Variants in CDH3 observed in about 807,000 individuals in gnomAD.
The protein encoded by CDH3 is cadherin 3.
In CDH3, 54 loss-of-function variants were observed where a neutral mutation model predicts 82.0. The observed-to-expected ratio is 0.66, with a 90% confidence interval of 0.53 to 0.83. The LOEUF (loss-of-function observed/expected upper bound fraction) is 0.83, where lower values mean the gene tolerates loss of function less well. Ranked by LOEUF, CDH3 falls within the 40% of genes least tolerant of loss-of-function variation. The probability of loss-of-function intolerance (pLI) is 0.00; values close to 1 mark genes in which losing one functional copy is unlikely to be tolerated. For missense variants in CDH3, 1,054 were observed against 1,084.6 expected, an observed-to-expected ratio of 0.97 and a Z score of 0.40; for synonymous variants, 446 against 437.9, an observed-to-expected ratio of 1.02 and a Z score of -0.23.
At chr16:68,697,425 G>T (rs1257269971) in intron 15 of CDH3, among the ~76,000 whole-genome samples, 1 of 152,156 alleles carries the variant, frequency 6.6e-6, no homozygotes, top group Non-Finnish European at 1.5e-5. Context: ...TAGATCCCAG[G>T]TGATTGCACC....
At chr16:68,703,922 AG>A (rs1256390200), downstream of CDH3, among the ~76,000 whole-genome samples, 1 of 144,754 alleles carries the variant, frequency 6.9e-6, no homozygotes, top group Non-Finnish European at 1.5e-5. Flanking sequence ...ACTCCAGCCT[AG>A]GCAACAGAGC....
chr16:68,664,876 C>T (rs1015451653), intron 2 of CDH3, among the ~76,000 whole-genome samples: 2 of 152,042 alleles, frequency 1.3e-5, no homozygotes, highest in African/African-American at 4.8e-5. Flanking sequence ...TCTCAAACTC[C>T]TGGACTTAAG....
chr16:68,692,333 G>A (rs1032744700), intron 13 of CDH3, among the ~76,000 whole-genome samples: 3 of 151,912 alleles, frequency 2.0e-5, no homozygotes, highest in African/African-American at 2.4e-5. Context: ...CACTGCGCCC[G>A]GTCCACTCCT....
At chr16:68,673,671 A>C in intron 2 of CDH3, among the ~76,000 whole-genome samples, 1 of 152,144 alleles carries the variant, frequency 6.6e-6, no homozygotes, top group Non-Finnish European at 1.5e-5. Context: ...CACTCCTGTA[A>C]TCCCAGCACT....
chr16:68,710,201 T>C (rs1393070492), intron 1 of CDH3, among the ~76,000 whole-genome samples: 1 of 152,194 alleles, frequency 6.6e-6, no homozygotes. Context: ...GCACCCTCTA[T>C]GGCCACAGCT....
At chr16:68,732,964 G>A in the CDH3 span, among the ~76,000 whole-genome samples, 1 of 150,802 alleles carries the variant, frequency 6.6e-6, no homozygotes, top group Non-Finnish European at 1.5e-5. Context: ...GGTGGGGGAA[G>A]GAGAGCCTGG....
chr16:68,674,169 A>G (rs998624150), intron 2 of CDH3, among the ~76,000 whole-genome samples: 13 of 151,980 alleles, frequency 8.6e-5, no homozygotes, highest in Admixed American at 1.3e-4. Context: ...GACAATTCCA[A>G]TTTCCCTCTA....
intron 3 of CDH3, 70 bp from the exon 4 acceptor site, chr16:68,678,064 A>G: frequency 7.0e-7 from 1 of 1,418,568 alleles, no homozygotes; most frequent in Non-Finnish European, 1.0e-6. Flanking sequence ...TTTAACTCTT[A>G]TAGGTGAGAG....
chr16:68,702,172 G>C (rs927372084), downstream of CDH3, among the ~76,000 whole-genome samples: 3 of 152,076 alleles, frequency 2.0e-5, no homozygotes, highest in Non-Finnish European at 4.4e-5. Flanking sequence ...GATTATAGGC[G>C]TGAGCCACTG....
intron 1 of CDH3, among the ~76,000 whole-genome samples, chr16:68,708,285 C>T (rs537806609): frequency 6.6e-6 from 1 of 151,934 alleles, no homozygotes. Context: ...CGAGATCCCA[C>T]CACTGCAGTC....
chr16:68,729,440 A>G (rs550554650), downstream of CDH3, among the ~76,000 whole-genome samples: 9 of 152,338 alleles, frequency 5.9e-5, no homozygotes, highest in Non-Finnish European at 8.8e-5. Flanking sequence ...GGATACATTC[A>G]CTATCATAGT....
rs756394679 is a variant in CDH3 at position 68,691,857 on chromosome 16, G to A, written c.1933G>A (p.Glu645Lys). 49 of 1,613,994 alleles carry A rather than the reference G, an allele frequency of 3.0e-5. No individual in the cohort carries two copies. The highest frequency in any genetic ancestry group is 1.6e-4 in the Middle Eastern group (1 of 6,074). The change falls in exon 13 of 16, where the codon GAA becomes AAA. Residue 645 changes from glutamate to lysine, a missense_variant. Physicochemically the swap from Glu to Lys is moderately conservative, Grantham distance 56. Transcript: ENST00000264012. ...ATVCDCHGHV[E>K]TCPGPWKGGF... Reference sequence around the variant, plus strand: ...TGTGTGCGACTGCCATGGCCATGTCGAAACCTGCCCTGGACCCTGGAAGGG... The same window carrying A: ...TGTGTGCGACTGCCATGGCCATGTCAAAACCTGCCCTGGACCCTGGAAGGG...
At chr16:68,694,792 G>A (rs200333211) in intron 13 of CDH3, among the ~76,000 whole-genome samples, 4 of 152,220 alleles carry the variant, frequency 2.6e-5, no homozygotes, top group South Asian at 2.1e-4. Flanking sequence ...TTCCCATCCC[G>A]ACATCCCGAC....
At chr16:68,718,718 A>G (rs958212441) in intron 1 of CDH3, among the ~76,000 whole-genome samples, 4 of 152,130 alleles carry the variant, frequency 2.6e-5, no homozygotes, top group African/African-American at 9.7e-5. Flanking sequence ...CAGTTTGGCA[A>G]TCTCTTAGAA....
chr16:68,671,239 C>T (rs2057026497), intron 2 of CDH3, among the ~76,000 whole-genome samples: 1 of 151,700 alleles, frequency 6.6e-6, no homozygotes, highest in Admixed American at 6.6e-5. Context: ...AATCTGCCCA[C>T]CTCAGCCTCC....
At chr16:68,691,638 G>A (rs958089972) in intron 12 of CDH3, 82 bp from the exon 13 acceptor site, 15 of 1,056,498 alleles carry the variant, frequency 1.4e-5, no homozygotes, top group Admixed American at 5.1e-5. Flanking sequence ...TGTGGAAGCC[G>A]TATTCTCAAA....
At chr16:68,656,765 C>T (rs1477749137) in intron 2 of CDH3, among the ~76,000 whole-genome samples, 2 of 152,216 alleles carry the variant, frequency 1.3e-5, no homozygotes, top group African/African-American at 4.8e-5. Flanking sequence ...AAATAGTTAA[C>T]TTCTGACCCA....
At chr16:68,696,795 T>C (rs1288368955) in intron 15 of CDH3, 1 of 152,302 alleles carries the variant, frequency 6.6e-6, no homozygotes, top group African/African-American at 2.4e-5. Context: ...CATATGGCCT[T>C]GTAAAAAACA....
chr16:68,717,935 G>A (rs2152110869), intron 1 of CDH3, among the ~76,000 whole-genome samples: 1 of 152,190 alleles, frequency 6.6e-6, no homozygotes, highest in South Asian at 2.1e-4. Flanking sequence ...GGACTTCCCA[G>A]ACTCCAGAAT....
Sources: gnomAD v4.1 joint callset for allele counts (sites outside exome capture counted in the v4.1 genomes callset) on GRCh38, gnomAD v4.1.1 for gene constraint, MANE v1.5 for transcripts, NCBI Gene and HGNC (gene_info 2026-07-23, HGNC 2026-07-21) for gene names.